The following LYZL2 variants were observed in gnomAD, a reference collection of about 807,000 sequenced individuals.
LYZL2 encodes lysozyme-like protein 2.
A neutral mutation model predicts 17.1 loss-of-function variants in LYZL2; 13 were observed. The ratio of observed to expected loss-of-function variants is 0.76; its 90% confidence interval spans 0.49 to 1.21. LYZL2 has a LOEUF of 1.21. LYZL2 is among the 50% of genes most tolerant of loss of function. LYZL2 has a pLI of 0.00. For missense variants in LYZL2, 166 were observed against 189.2 expected, an observed-to-expected ratio of 0.88 and a Z score of 0.72; for synonymous variants, 63 against 74.4, an observed-to-expected ratio of 0.85 and a Z score of 0.79.
intron 3 of LYZL2, among the ~76,000 whole-genome samples, chr10:30,621,203 C>G (rs1408633206): frequency 1.3e-5 from 2 of 152,000 alleles, no homozygotes; most frequent in Non-Finnish European, 2.9e-5. Flanking sequence ...AAAAAAAACA[C>G]ATATTACATA....
chr10:30,614,690 C>T lies in LYZL2; in HGVS notation c.299-1790G>A, dbSNP rs141876451. Reference sequence around the variant, plus strand: ...GTAATGCTGGATGTTGACAAGGGCACAGAGAGGCAGGTTCTCTGGATACTT... The same window carrying T: ...GTAATGCTGGATGTTGACAAGGGCATAGAGAGGCAGGTTCTCTGGATACTT... On this transcript the variant is annotated intron_variant, in intron 3 of 4. Coordinates refer to ENST00000647634, the MANE Select transcript of LYZL2 (RefSeq NM_183058.3). 6.9e-3 allele frequency among the ~76,000 whole-genome samples: 1,050 copies of T among 152,164 alleles called. 11 individuals carry two copies. The highest frequency in any genetic ancestry group is 0.024 in the African/African-American group (1,003 of 41,506).
At chr10:30,619,427 CA>C (rs1306768852) in intron 3 of LYZL2, among the ~76,000 whole-genome samples, 3 of 152,072 alleles carry the variant, frequency 2.0e-5, no homozygotes, top group African/African-American at 7.3e-5. Context: ...GGAACCAACC[CA>C]AATGTCCAAC....
At chr10:30,611,589 AAGAAAGAAAG>A (rs1838440096), downstream of LYZL2, among the ~76,000 whole-genome samples, 1 of 123,942 alleles carries the variant, frequency 8.1e-6, no homozygotes, top group Admixed American at 7.8e-5. Context: ...GAAAGAAAGA[AAGAAAGAAAG>A]AAAGAAAGAA....
rs765578510 is a variant in LYZL2 at position 30,626,944 on chromosome 10, C to A, written c.-25-4G>T. On this transcript the variant is annotated splice_region_variant and splice_polypyrimidine_tract_variant and intron_variant, in intron 1 of 4. Transcript: ENST00000647634. ...CAAAGCCTGCCGGAGACAGAACCTG[C>A]CAAAGAGCCGGAGAACAGGTCAGAC... The A allele has an allele frequency of 3.1e-6, 5 of 1,612,462 alleles. No homozygotes were observed. In the South Asian group the frequency reaches 4.4e-5, roughly 14 times the overall value.
At chr10:30,609,884 T>C (rs56311653), downstream of LYZL2, among the ~76,000 whole-genome samples, 34,557 of 152,088 alleles carry the variant, frequency 0.23, 4,743 homozygotes, top group African/African-American at 0.39. Flanking sequence ...ATAAATCAAA[T>C]ATGGGGGAAG....
chr10:30,627,080 C>G (rs1838725335), intron 1 of LYZL2, 140 bp from the exon 2 acceptor site: 5 of 1,263,100 alleles, frequency 4.0e-6, no homozygotes, highest in Non-Finnish European at 5.4e-6. Context: ...AAACCGGCCA[C>G]TCTACGGTCC....
downstream of LYZL2, chr10:30,611,769 G>C: frequency 1.2e-6 from 1 of 842,748 alleles, no homozygotes; most frequent in Admixed American, 3.6e-5. Context: ...AAAGAGAAAA[G>C]GGAACCGAGT....
chr10:30,627,860 T>C (rs1838740768), intron 1 of LYZL2, among the ~76,000 whole-genome samples: 1 of 152,214 alleles, frequency 6.6e-6, no homozygotes, highest in Non-Finnish European at 1.5e-5. Context: ...AATGGAAAAC[T>C]TTAAGATTCA....
In LYZL2 at chr10:30,612,039, G is replaced by C; in HGVS notation, c.378-15C>G. On this transcript the variant is annotated splice_polypyrimidine_tract_variant and intron_variant, in intron 4 of 4. Coordinates refer to ENST00000647634, the MANE Select transcript of LYZL2 (RefSeq NM_183058.3). The stretch of plus-strand genomic sequence containing the variant: ...TCCAGCCTTGCCTGAGGACGAGAGG[G>C]AAGCAAGAGCAGCAGAAAGAAGCGT... 1.2e-6 allele frequency: 2 copies of C among 1,613,446 alleles called. No homozygotes were observed. Among genetic ancestry groups the C allele is most frequent in the Middle Eastern group, 1.6e-4 (1 of 6,062 alleles).
intron 3 of LYZL2, among the ~76,000 whole-genome samples, chr10:30,618,641 G>A (rs1053384280): frequency 3.3e-5 from 5 of 152,160 alleles, no homozygotes; most frequent in Non-Finnish European, 5.9e-5. Context: ...AGCTGAAACT[G>A]GATCCCTTCC....
chr10:30,620,620 G>T (rs80095342), intron 3 of LYZL2, among the ~76,000 whole-genome samples: 21,643 of 152,062 alleles, frequency 0.14, 1,678 homozygotes, highest in East Asian at 0.24. Flanking sequence ...TATTCCATGC[G>T]CAGAGGCAGA....
In LYZL2 at chr10:30,626,953, C is replaced by A. The variant is rs7079108; in HGVS notation, c.-25-13G>T. On this transcript the variant is annotated splice_polypyrimidine_tract_variant and intron_variant, in intron 1 of 4. Coordinates refer to ENST00000647634, the MANE Select transcript of LYZL2 (RefSeq NM_183058.3). The stretch of plus-strand genomic sequence containing the variant: ...CCGGAGACAGAACCTGCCAAAGAGC[C>A]GGAGAACAGGTCAGACGATCTTGAT... 0.13 allele frequency: 207,568 copies of A among 1,557,188 alleles called. 14 individuals are homozygous for A. Among genetic ancestry groups the A allele is most frequent in the Middle Eastern group, 0.15 (885 of 5,786 alleles).
At chr10:30,610,754 T>A (rs564578904), downstream of LYZL2, among the ~76,000 whole-genome samples, 12 of 152,304 alleles carry the variant, frequency 7.9e-5, no homozygotes, top group Admixed American at 4.6e-4. Context: ...TTATTTATTT[T>A]TTTTTCTGGA....
In LYZL2 at chr10:30,614,719, G is replaced by A. The variant is rs1179335258; in HGVS notation, c.299-1819C>T. Among the ~76,000 whole-genome samples the A allele has an allele frequency of 2.0e-5, 3 of 152,144 alleles. No homozygotes were observed. In the East Asian group the frequency reaches 5.8e-4, roughly 29 times the overall value. On this transcript the variant is annotated intron_variant, in intron 3 of 4. Coordinates refer to ENST00000647634, the MANE Select transcript of LYZL2 (RefSeq NM_183058.3). ...GAGGCAGGTTCTCTGGATACTTGCT[G>A]GTGGGAGTATAATGGATTCAATGTC...
chr10:30,613,219 C>T lies in LYZL2; in HGVS notation c.299-319G>A, dbSNP rs1162208106. Among the ~76,000 whole-genome samples the T allele has an allele frequency of 1.3e-5, 2 of 152,126 alleles. 1 individual carries two copies. The highest frequency in any genetic ancestry group is 3.8e-4 in the East Asian group (2 of 5,198). Reference sequence around the variant, plus strand: ...TATGTCCTACAGAAATAGGCACAGGCCGGGCGTGGTGGCTGACCTGCAATC... The same window carrying T: ...TATGTCCTACAGAAATAGGCACAGGTCGGGCGTGGTGGCTGACCTGCAATC... On this transcript the variant is annotated intron_variant, in intron 3 of 4. Transcript: ENST00000647634.
At position 30,626,189 on chromosome 10, in the gene LYZL2, A is replaced by G; in HGVS notation, c.214T>C (p.Tyr72His). The G allele has an allele frequency of 1.2e-6, 2 of 1,614,252 alleles. No homozygotes were observed. Among genetic ancestry groups the G allele is most frequent in the African/African-American group, 1.3e-5 (1 of 75,068 alleles). Reference protein sequence around the residue: ...QTVLDDGSIDYGIFQINSFAW... With the variant: ...QTVLDDGSIDHGIFQINSFAW... Reference sequence around the variant, plus strand: ...AAGCTGTTGATCTGGAAGATGCCGTAGTCGATGCTGCCGTCATCCAGGACC... The same window carrying G: ...AAGCTGTTGATCTGGAAGATGCCGTGGTCGATGCTGCCGTCATCCAGGACC... Residue 72 changes from tyrosine (Y) to histidine (H), a missense_variant, in exon 3 of 5, where the codon TAC becomes CAC. By Grantham distance (83) the Tyr-to-His change is moderately conservative. Coordinates refer to ENST00000647634, the MANE Select transcript of LYZL2 (RefSeq NM_183058.3).
At chr10:30,618,143 G>T (rs951105576) in intron 3 of LYZL2, among the ~76,000 whole-genome samples, 1 of 151,950 alleles carries the variant, frequency 6.6e-6, no homozygotes, top group Non-Finnish European at 1.5e-5. Flanking sequence ...TCTTCAAGGA[G>T]AACTACAAAC....
downstream of LYZL2, among the ~76,000 whole-genome samples, chr10:30,610,750 A>T (rs12269362): frequency 0.013 from 1,895 of 149,038 alleles, 39 homozygotes; most frequent in African/African-American, 0.044. Context: ...TTATTTATTT[A>T]TTTTTTTTTC....
intron 3 of LYZL2, among the ~76,000 whole-genome samples, chr10:30,618,831 C>T (rs1477792385): frequency 6.6e-6 from 1 of 152,176 alleles, no homozygotes; most frequent in Non-Finnish European, 1.5e-5. Context: ...CAAATGGGAT[C>T]TAATTAAACT....
Sources: allele counts gnomAD v4.1 joint callset (sites outside exome capture counted in the v4.1 genomes callset), GRCh38; gene constraint gnomAD v4.1.1; transcripts MANE v1.5; gene names NCBI Gene and HGNC (gene_info 2026-07-23, HGNC 2026-07-21).